The following PLCB1 variants were observed in gnomAD, a reference collection of about 807,000 sequenced individuals.
PLCB1 encodes 1-phosphatidylinositol 4,5-bisphosphate phosphodiesterase beta-1.
Under a neutral mutation model 161.8 loss-of-function variants are expected in PLCB1, and 46 were observed. The observed-to-expected ratio is 0.28, with a 90% CI of 0.22 to 0.36. PLCB1 has a LOEUF of 0.36. PLCB1 is among the 10% of genes least tolerant of loss of function. The pLI is 1.00. For missense variants in PLCB1, 1,016 were observed against 1,472.5 expected (o/e 0.69, Z 5.07); for synonymous variants, 517 against 503.7 (o/e 1.03, Z -0.35).
At chr20:8,536,857 C>A (rs769845852) in intron 3 of PLCB1, among the ~76,000 whole-genome samples, 1 of 152,092 alleles carries the variant, frequency 6.6e-6, no homozygotes, top group Non-Finnish European at 1.5e-5. Flanking sequence ...TCATACAGTG[C>A]GGCAAAGGAA....
intron 31 of PLCB1, among the ~76,000 whole-genome samples, chr20:8,808,317 T>C (rs1984642082): frequency 6.6e-6 from 1 of 152,194 alleles, no homozygotes; most frequent in Non-Finnish European, 1.5e-5. Context: ...CAGTGGCTTT[T>C]TGCCATGTCC....
chr20:8,583,899 C>G (rs1986907939), intron 3 of PLCB1, among the ~76,000 whole-genome samples: 1 of 152,144 alleles, frequency 6.6e-6, no homozygotes, highest in Non-Finnish European at 1.5e-5. Context: ...CCATTCCTCT[C>G]TGTCTGGAAA....
chr20:8,133,202 T>G (rs2051310883), intron 1 of PLCB1, among the ~76,000 whole-genome samples: 1 of 152,158 alleles, frequency 6.6e-6, no homozygotes, highest in African/African-American at 2.4e-5. Context: ...TTCAAAACAC[T>G]TTAGTGATTG....
intron 3 of PLCB1, among the ~76,000 whole-genome samples, chr20:8,452,605 T>G (rs1238554984): frequency 1.3e-5 from 2 of 152,316 alleles, no homozygotes; most frequent in African/African-American, 2.4e-5. Context: ...CAAATAATGA[T>G]TTGTGTGCTA....
chr20:8,449,058 C>G (rs1337835456), intron 3 of PLCB1, among the ~76,000 whole-genome samples: 1 of 152,128 alleles, frequency 6.6e-6, no homozygotes, highest in African/African-American at 2.4e-5. Context: ...TTCTTAAATG[C>G]AAATTCAAAC....
At chr20:8,267,040 A>G (rs1304473416) in intron 2 of PLCB1, among the ~76,000 whole-genome samples, 2 of 151,736 alleles carry the variant, frequency 1.3e-5, no homozygotes, top group African/African-American at 4.9e-5. Flanking sequence ...TTCGTCTAAA[A>G]AAAAAAAAAG....
chr20:8,860,740 T>C (rs1341715025), intron 31 of PLCB1, among the ~76,000 whole-genome samples: 1 of 152,238 alleles, frequency 6.6e-6, no homozygotes, highest in African/African-American at 2.4e-5. Context: ...CTCATGTGTT[T>C]CTTGAATTAT....
intron 12 of PLCB1, among the ~76,000 whole-genome samples, chr20:8,713,552 CA>C (rs1979136958): frequency 6.6e-6 from 1 of 152,160 alleles, no homozygotes; most frequent in Admixed American, 6.5e-5. Flanking sequence ...CTCAGACCAG[CA>C]GCATCTGCAT....
intron 31 of PLCB1, among the ~76,000 whole-genome samples, chr20:8,811,808 A>G (rs1165644771): frequency 6.6e-6 from 1 of 151,820 alleles, no homozygotes; most frequent in African/African-American, 2.4e-5. Flanking sequence ...GAGGCTTCAC[A>G]TGTGCCTTTC....
At chr20:8,175,954 T>A (rs1383491221) in intron 2 of PLCB1, among the ~76,000 whole-genome samples, 1 of 152,084 alleles carries the variant, frequency 6.6e-6, no homozygotes, top group Non-Finnish European at 1.5e-5. Flanking sequence ...ATTAGGGAAA[T>A]GCAAATTAAA....
chr20:8,854,895 T>A (rs1294400219), intron 31 of PLCB1, among the ~76,000 whole-genome samples: 1 of 152,212 alleles, frequency 6.6e-6, no homozygotes, highest in East Asian at 1.9e-4. Flanking sequence ...CTTGCATAAT[T>A]TTAAATACAG....
intron 22 of PLCB1, 37 bp from the exon 23 acceptor site, chr20:8,741,427 C>T: frequency 7.1e-7 from 1 of 1,402,388 alleles, no homozygotes; most frequent in Non-Finnish European, 1.0e-6. Context: ...TCAATACTTC[C>T]AGGACCTTTG....
intron 3 of PLCB1, among the ~76,000 whole-genome samples, chr20:8,490,955 A>G (rs552071084): frequency 1.3e-5 from 2 of 150,228 alleles, no homozygotes; most frequent in African/African-American, 4.9e-5. Context: ...TCTTAATACA[A>G]ATCCTTTCTT....
chr20:8,813,639 G>A (rs891260146), intron 31 of PLCB1, among the ~76,000 whole-genome samples: 19 of 152,192 alleles, frequency 1.2e-4, no homozygotes, highest in African/African-American at 3.6e-4. Context: ...AAATCAGCCT[G>A]GGCAAGATAG....
intron 3 of PLCB1, among the ~76,000 whole-genome samples, chr20:8,552,789 A>G (rs1160737204): frequency 6.6e-6 from 1 of 152,068 alleles, no homozygotes; most frequent in Non-Finnish European, 1.5e-5. Context: ...CTCACTACCC[A>G]TGTTTAGACC....
At chr20:8,519,798 C>A (rs905272644) in intron 3 of PLCB1, among the ~76,000 whole-genome samples, 6 of 152,146 alleles carry the variant, frequency 3.9e-5, no homozygotes, top group Non-Finnish European at 4.4e-5. Context: ...TTTGCTTAAT[C>A]ATTTTAAGGC....
chr20:8,150,362 T>C lies in PLCB1; in HGVS notation c.168T>C (p.Asp56=). ...DPQGFFFYWT[D]QNKETELLDL... Reference sequence around the variant, plus strand: ...AGGGATTTTTCTTTTACTGGACAGATCAAAACAAGGTAAGAAATGAGGTAT... The same window carrying C: ...AGGGATTTTTCTTTTACTGGACAGACCAAAACAAGGTAAGAAATGAGGTAT... The change falls in exon 2 of 32, where the codon GAT becomes GAC. Residue 56 remains aspartate (D), a synonymous_variant. Transcript: ENST00000338037. 6.6e-7 allele frequency: 1 copy of C among 1,523,134 alleles called. No individual in the cohort carries two copies. The highest frequency in any genetic ancestry group is 9.0e-7 in the Non-Finnish European group (1 of 1,109,088). The allele number at this position is 1,523,134 out of a possible 1,614,324, so 94.4% of individuals were successfully genotyped here.
intron 3 of PLCB1, among the ~76,000 whole-genome samples, chr20:8,442,630 G>A (rs1980612109): frequency 6.6e-6 from 1 of 152,106 alleles, no homozygotes; most frequent in African/African-American, 2.4e-5. Flanking sequence ...GTAACAAAGG[G>A]TTAGTGAAAT....
chr20:8,172,937 T>A (rs1208385338), intron 2 of PLCB1, among the ~76,000 whole-genome samples: 1 of 152,142 alleles, frequency 6.6e-6, no homozygotes, highest in Non-Finnish European at 1.5e-5. Context: ...AGAAGGTGGT[T>A]CAGGAAAGCT....
Sources: allele counts gnomAD v4.1 joint callset (sites outside exome capture counted in the v4.1 genomes callset), GRCh38; gene constraint gnomAD v4.1.1; transcripts MANE v1.5; gene names NCBI Gene and HGNC (gene_info 2026-07-23, HGNC 2026-07-21).